The following NFE2L3 variants were observed in gnomAD, a reference collection of about 807,000 sequenced individuals.
NFE2L3 encodes the protein NFE2 like bZIP transcription factor 3, also known as nuclear factor erythroid 2-related factor 3.
Under a neutral mutation model 23.5 loss-of-function variants are expected in NFE2L3, and 18 were observed. That is an observed-to-expected ratio of 0.77 (90% CI 0.53 to 1.13). The LOEUF (loss-of-function observed/expected upper bound fraction) is 1.13, where lower values mean the gene tolerates loss of function less well. Among genes scored for constraint, NFE2L3 ranks in the 50% most tolerant of loss-of-function variants. The pLI is 0.00. For missense variants in NFE2L3, 1,152 were observed against 877.2 expected (o/e 1.31, Z -3.96); for synonymous variants, 424 against 354.5 (o/e 1.20, Z -2.20).
rs76364628 is a variant in NFE2L3 at position 26,172,709 on chromosome 7, T to C, written c.571-5234T>C. 2.6e-4 allele frequency among the ~76,000 whole-genome samples: 40 copies of C among 152,320 alleles called. No individual in the cohort carries two copies. The East Asian group carries it at 7.7e-3, about 29-fold the overall frequency. On this transcript the variant is annotated intron_variant, in intron 1 of 3. Transcript: ENST00000056233. Reference sequence around the variant, plus strand: ...TGTTTCCTCAATGATTAGATTGAGATTATGAATTTTTGGTGAGAAAATCAC... The same window carrying C: ...TGTTTCCTCAATGATTAGATTGAGACTATGAATTTTTGGTGAGAAAATCAC...
rs76202315 is a variant in NFE2L3 at position 26,156,835 on chromosome 7, G to A, written c.570+3767G>A. 3.4e-3 allele frequency among the ~76,000 whole-genome samples: 521 copies of A among 151,770 alleles called. 3 individuals carry two copies. The highest frequency in any genetic ancestry group is 0.012 in the African/African-American group (492 of 41,362). On this transcript the variant is annotated intron_variant, in intron 1 of 3. Transcript: ENST00000056233. ...CCTGAAGAAACTGTTGGGCTGGGCC[G>A]GGTGTGGTGGCTCACACCTGTAATC... is the stretch of plus-strand genomic sequence containing the variant.
In NFE2L3 at chr7:26,152,581, T is replaced by G. The variant is rs772322299; in HGVS notation, c.83T>G (p.Val28Gly). The G allele has an allele frequency of 6.5e-7, 1 of 1,539,534 alleles. No homozygotes were observed. Among genetic ancestry groups the G allele is most frequent in the South Asian group, 1.2e-5 (1 of 84,352 alleles). The part of the protein sequence containing the change: ...TLLLSLAGLR[V>G]DLDLYLLLPP... Reference sequence around the variant, plus strand: ...CTGCTGAGCTTGGCGGGGCTCCGCGTAGACCTAGATCTTTACCTGCTGCTG... The same window carrying G: ...CTGCTGAGCTTGGCGGGGCTCCGCGGAGACCTAGATCTTTACCTGCTGCTG... The change falls in exon 1 of 4, where the codon GTA becomes GGA. Residue 28 changes from valine to glycine, a missense_variant. Physicochemically the swap from Val to Gly is moderately radical, Grantham distance 109. Coordinates refer to ENST00000056233, the MANE Select transcript of NFE2L3 (RefSeq NM_004289.7). This position sits in a 1 kb window ranked among gnomAD's most constrained non-coding sequence, Gnocchi z 4.4.
At chr7:26,179,177 C>G (rs1758322088) in intron 2 of NFE2L3, among the ~76,000 whole-genome samples, 3 of 152,228 alleles carry the variant, frequency 2.0e-5, no homozygotes, top group African/African-American at 7.2e-5. Context: ...GAAAATCGCT[C>G]TGGCCATCCC....
In NFE2L3 at chr7:26,178,224, C is replaced by T. The variant is rs1381665383; in HGVS notation, c.750+102C>T. ...GAATGAGCATGTAAAACAGTATGCT[C>T]TACTATTAACAAATATGATATATGA... is the stretch of plus-strand genomic sequence containing the variant. On this transcript the variant is annotated intron_variant, in intron 2 of 3. Coordinates refer to ENST00000056233, the MANE Select transcript of NFE2L3 (RefSeq NM_004289.7). The T allele has an allele frequency of 6.7e-6, 6 of 894,958 alleles. No individual in the cohort carries two copies. In the African/African-American group the frequency reaches 6.8e-5, roughly 10 times the overall value. The allele number at this position is 894,958 out of a possible 1,614,324, so 55.4% of individuals were successfully genotyped here. A position where few individuals can be genotyped will look rare whatever the true frequency, so the allele number is the denominator to read the frequency against.
chr7:26,158,039 TTTTTG>T (rs1452254997), intron 1 of NFE2L3, among the ~76,000 whole-genome samples: 5 of 121,838 alleles, frequency 4.1e-5, no homozygotes, highest in Non-Finnish European at 9.0e-5. Context: ...TGTTGGGGTT[TTTTTG>T]TTTTGTTTTG....
At chr7:26,179,231 T>C (rs1175821933) in intron 2 of NFE2L3, among the ~76,000 whole-genome samples, 2 of 152,132 alleles carry the variant, frequency 1.3e-5, no homozygotes, top group Non-Finnish European at 2.9e-5. Flanking sequence ...CCATGTACAG[T>C]TGCTCACACC....
At chr7:26,171,564 G>A (rs988924109) in intron 1 of NFE2L3, among the ~76,000 whole-genome samples, 1 of 150,550 alleles carries the variant, frequency 6.6e-6, no homozygotes, top group South Asian at 2.1e-4. Flanking sequence ...AAAAAAAAAA[G>A]AAGCCAGTTA....
intron 2 of NFE2L3, 136 bp downstream of exon 2, chr7:26,178,258 A>G: frequency 1.4e-6 from 1 of 693,052 alleles, no homozygotes; most frequent in Middle Eastern, 2.6e-4. Flanking sequence ...GAAAATACCT[A>G]TGTCTTTAAG....
intron 1 of NFE2L3, among the ~76,000 whole-genome samples, chr7:26,157,748 T>G (rs1158829316): frequency 6.6e-6 from 1 of 152,234 alleles, no homozygotes; most frequent in East Asian, 1.9e-4. Flanking sequence ...TGTATGAATT[T>G]GCTAGGGCTG....
chr7:26,184,550 T>C lies in NFE2L3; in HGVS notation c.852T>C (p.Asp284=), dbSNP rs778835440. ...ENSLEGISLG[D]IPLPGSISDG... ...TTTTTCAGGGCATCTCATTGGGAGA[T>C]ATTCCTCTTCCAGGCAGTATCAGTG... The change falls in exon 4 of 4, where the codon GAT becomes GAC. Residue 284 remains aspartate, a synonymous_variant. Coordinates refer to ENST00000056233, the MANE Select transcript of NFE2L3 (RefSeq NM_004289.7). 6.2e-6 allele frequency: 10 copies of C among 1,611,558 alleles called. No homozygotes were observed. The highest frequency in any genetic ancestry group is 1.7e-5 in the Admixed American group (1 of 59,840).
chr7:26,172,385 C>T (rs1583932515), intron 1 of NFE2L3, among the ~76,000 whole-genome samples: 1 of 152,218 alleles, frequency 6.6e-6, no homozygotes, highest in Non-Finnish European at 1.5e-5. Context: ...TCTCTGTATA[C>T]ATATGTGAAT....
intron 1 of NFE2L3, among the ~76,000 whole-genome samples, chr7:26,177,037 G>A (rs1254584012): frequency 7.9e-5 from 3 of 37,842 alleles, no homozygotes; most frequent in African/African-American, 5.3e-4. Context: ...CATCCCAGAC[G>A]ATGGGCGGCC....
intron 3 of NFE2L3, chr7:26,184,073 G>GGGAC: frequency 2.3e-6 from 1 of 434,472 alleles, no homozygotes; most frequent in Admixed American, 4.0e-5. Flanking sequence ...GTGTATCAAA[G>GGGAC]GGACACCTGC....
intron 1 of NFE2L3, chr7:26,173,465 T>A (rs1351155123): frequency 6.6e-6 from 1 of 152,214 alleles, no homozygotes; most frequent in African/African-American, 2.4e-5. Context: ...CTAAAATAGA[T>A]CATTTGATTT....
intron 1 of NFE2L3, among the ~76,000 whole-genome samples, chr7:26,164,628 G>A (rs1784219923): frequency 1.3e-5 from 2 of 152,198 alleles, no homozygotes; most frequent in South Asian, 2.1e-4. Context: ...TCTGATGGTA[G>A]TTTCTTTTGC....
rs1365509208 is a variant in NFE2L3, at chr7:26,178,082, C to T, written c.710C>T (p.Pro237Leu). ...GATGAAAACAAAATAGCAGAGAAACCTGACTGGGAGGCAGAAAAGACCACT... is the reference window on the plus strand; with the variant it reads ...GATGAAAACAAAATAGCAGAGAAACTTGACTGGGAGGCAGAAAAGACCACT... ...DDDENKIAEKPDWEAEKTTES... is the reference protein window; with the variant it reads ...DDDENKIAEKLDWEAEKTTES... The change falls in exon 2 of 4, where the codon CCT becomes CTT. Residue 237 changes from proline to leucine, a missense_variant. By Grantham distance (98) the Pro-to-Leu change is moderately conservative. Transcript: ENST00000056233. 2.5e-6 allele frequency: 4 copies of T among 1,613,872 alleles called. No homozygotes were observed. The highest frequency in any genetic ancestry group is 1.6e-4 in the Middle Eastern group (1 of 6,084).
At chr7:26,179,458 C>G (rs1263282139) in intron 2 of NFE2L3, among the ~76,000 whole-genome samples, 1 of 151,260 alleles carries the variant, frequency 6.6e-6, no homozygotes, top group African/African-American at 2.4e-5. Flanking sequence ...TGTGATCACA[C>G]CAGTGCACTC....
chr7:26,171,709 T>A (rs140646719), intron 1 of NFE2L3, among the ~76,000 whole-genome samples: 2,053 of 152,292 alleles, frequency 0.013, 52 homozygotes, highest in African/African-American at 0.047. Flanking sequence ...ATTAGTTCAC[T>A]TGTATTTTTG....
chr7:26,185,002 C>A lies in NFE2L3; in HGVS notation c.1304C>A (p.Ser435Tyr), dbSNP rs1181706000. 3 of 1,613,726 alleles carry A rather than the reference C, an allele frequency of 1.9e-6. No homozygotes were observed. The highest frequency in any genetic ancestry group is 2.7e-5 in the African/African-American group (2 of 74,912). The change falls in exon 4 of 4, where the codon TCT (serine) becomes TAT (tyrosine). Residue 435 changes from serine to tyrosine, a missense_variant. By Grantham distance (144) the Ser-to-Tyr change is moderately radical (BLOSUM62 -2). Transcript: ENST00000056233. ...CACAATAATACCTCTGTCATCAAGTCTAATTCCTCTCACTCTGTGTGTGAT... is the reference window on the plus strand; with the variant it reads ...CACAATAATACCTCTGTCATCAAGTATAATTCCTCTCACTCTGTGTGTGAT... ...SSHNNTSVIK[S>Y]NSSHSVCDEG... is the part of the protein sequence containing the mutation.
Sources: gnomAD v4.1 joint callset for allele counts (sites outside exome capture counted in the v4.1 genomes callset) on GRCh38, gnomAD v4.1.1 for gene constraint, Gnocchi (gnomAD v3.1) non-coding constraint, MANE v1.5 for transcripts, NCBI Gene and HGNC (gene_info 2026-07-23, HGNC 2026-07-21) for gene names.